Variants in EYA4 observed in about 807,000 individuals in gnomAD.
The protein encoded by EYA4 is EYA transcriptional coactivator and phosphatase 4, also known as protein phosphatase EYA4.
A neutral mutation model predicts 87.9 loss-of-function variants in EYA4; 31 were observed. That is an observed-to-expected ratio of 0.35 (90% CI 0.27 to 0.48). EYA4 has a LOEUF of 0.48. Among genes scored for constraint, EYA4 ranks in the 20% least tolerant of loss-of-function variants. The probability of loss-of-function intolerance (pLI) is 0.99; values close to 1 mark genes in which losing one functional copy is unlikely to be tolerated. For missense variants in EYA4, 678 were observed against 761.4 expected (o/e 0.89, Z 1.29); for synonymous variants, 263 against 270.6 (o/e 0.97, Z 0.28).
At chr6:133,450,641 C>A (rs1793347956) in intron 5 of EYA4, among the ~76,000 whole-genome samples, 1 of 152,162 alleles carries the variant, frequency 6.6e-6, no homozygotes. Context: ...GTAGCTGGGA[C>A]TACAGACACA....
At chr6:133,468,020 T>TA (rs928358721) in intron 10 of EYA4, among the ~76,000 whole-genome samples, 28 of 149,484 alleles carry the variant, frequency 1.9e-4, no homozygotes, top group East Asian at 1.2e-3. Context: ...AGAGGCTGGG[T>TA]AAAAAAAAAA....
intron 2 of EYA4, among the ~76,000 whole-genome samples, chr6:133,275,388 G>A (rs1052146049): frequency 1.3e-5 from 2 of 152,222 alleles, no homozygotes; most frequent in African/African-American, 2.4e-5. Flanking sequence ...TCTTTAGCGT[G>A]TGGAACTAGA....
chr6:133,512,908 T>C lies in EYA4; in HGVS notation c.1371T>C (p.His457=). 1 of 1,614,144 alleles carries C rather than the reference T, an allele frequency of 6.2e-7. No homozygotes were observed. The highest frequency in any genetic ancestry group is 8.5e-7 in the Non-Finnish European group (1 of 1,179,992). The change falls in exon 16 of 20, where the codon CAT becomes CAC. Residue 457 remains histidine, a synonymous_variant. Coordinates refer to ENST00000355286, the MANE Select transcript of EYA4 (RefSeq NM_004100.5). ...ACAGTTTTGCAACTGATGGCTTCCA[T>C]GCAGCTGCAAGTAGTGCAAACCTTT... is the stretch of plus-strand genomic sequence containing the variant. The part of the protein sequence containing the change: ...STYSFATDGF[H]AAASSANLCL...
chr6:133,243,378 CT>C (rs1454038994), intron 1 of EYA4, among the ~76,000 whole-genome samples: 8 of 152,116 alleles, frequency 5.3e-5, no homozygotes, highest in African/African-American at 1.9e-4. Context: ...TTTTGTTCCT[CT>C]TCTCATCTGT....
At chr6:133,321,054 C>A (rs1781051164) in intron 2 of EYA4, among the ~76,000 whole-genome samples, 1 of 152,154 alleles carries the variant, frequency 6.6e-6, no homozygotes, top group Non-Finnish European at 1.5e-5. Context: ...ATCCTATTGT[C>A]TTCCGCCTAG....
intron 3 of EYA4, among the ~76,000 whole-genome samples, chr6:133,412,857 C>G (rs1003230576): frequency 2.6e-5 from 4 of 152,108 alleles, no homozygotes; most frequent in Admixed American, 2.6e-4. Context: ...ATCGGACTTC[C>G]TTTGGTGGGT....
intron 4 of EYA4, among the ~76,000 whole-genome samples, chr6:133,447,074 G>A (rs1165063621): frequency 6.6e-6 from 1 of 152,046 alleles, no homozygotes; most frequent in East Asian, 1.9e-4. Flanking sequence ...TTTCCACCCT[G>A]GTATTAGCAA....
chr6:133,395,135 A>ACCAAATT (rs999846363), intron 3 of EYA4, among the ~76,000 whole-genome samples: 4 of 152,282 alleles, frequency 2.6e-5, no homozygotes, highest in African/African-American at 9.6e-5. Context: ...AACCATAATG[A>ACCAAATT]CCAAATTCCT....
At chr6:133,481,047 G>GTGGAAGGGAAGATGGGAGAGGTGGAA (rs1562470423) in intron 11 of EYA4, among the ~76,000 whole-genome samples, 5 of 151,772 alleles carry the variant, frequency 3.3e-5, no homozygotes, top group East Asian at 1.9e-4. Context: ...GATGAGAGAG[G>GTGGAAGGGAAGATGGGAGAGGTGGAA]GTTTGACTAA....
chr6:133,323,959 A>G (rs1212976490), intron 2 of EYA4, among the ~76,000 whole-genome samples: 1 of 152,158 alleles, frequency 6.6e-6, no homozygotes. Context: ...TCACACAATA[A>G]GAATGAACTT....
intron 11 of EYA4, among the ~76,000 whole-genome samples, chr6:133,476,990 A>T (rs1417913338): frequency 6.6e-6 from 1 of 151,206 alleles, no homozygotes; most frequent in Non-Finnish European, 1.5e-5. Flanking sequence ...GTTCTCATGA[A>T]ATCTGACAGT....
chr6:133,527,201 A>ATGC (rs1800710989), intron 19 of EYA4, among the ~76,000 whole-genome samples: 1 of 152,222 alleles, frequency 6.6e-6, no homozygotes, highest in Non-Finnish European at 1.5e-5. Flanking sequence ...CCCAGAATGC[A>ATGC]TGCTTTTCTT....
intron 13 of EYA4, among the ~76,000 whole-genome samples, chr6:133,492,377 G>A (rs1477817437): frequency 1.3e-5 from 2 of 152,136 alleles, no homozygotes; most frequent in Admixed American, 6.5e-5. Context: ...ATCTGATGCT[G>A]AAAAGTATTT....
At chr6:133,456,181 T>C (rs778202947) in intron 5 of EYA4, among the ~76,000 whole-genome samples, 1 of 152,126 alleles carries the variant, frequency 6.6e-6, no homozygotes, top group African/African-American at 2.4e-5. Context: ...AAAAATAAAA[T>C]ATAAGCTAGT....
intron 2 of EYA4, among the ~76,000 whole-genome samples, chr6:133,275,445 G>C (rs1272654463): frequency 6.6e-6 from 1 of 152,164 alleles, no homozygotes; most frequent in Non-Finnish European, 1.5e-5. Flanking sequence ...CACACTACTG[G>C]AAGCTGTCGT....
chr6:133,363,032 T>C (rs905968619), intron 2 of EYA4: 2 of 152,236 alleles, frequency 1.3e-5, no homozygotes, highest in African/African-American at 4.8e-5. Context: ...GCCCAATTTA[T>C]CATCCTGCCC....
intron 17 of EYA4, among the ~76,000 whole-genome samples, chr6:133,522,462 A>G (rs1800270227): frequency 6.6e-6 from 1 of 152,254 alleles, no homozygotes; most frequent in South Asian, 2.1e-4. Context: ...AAAGTAGAAT[A>G]CAAAATTGAA....
In EYA4 at chr6:133,382,411, A is replaced by C; in HGVS notation, c.53A>C (p.Glu18Ala). Residue 18 changes from glutamate to alanine, a missense_variant, in exon 3 of 20, where the codon GAA becomes GCA. Coordinates refer to ENST00000355286, the MANE Select transcript of EYA4 (RefSeq NM_004100.5). ...TTACAGGTAAAGAAAACGTGCACAG[A>C]ATCAGATGTTTCACAATCTCAGAAT... ...NEQSVKKTCTESDVSQSQNSR... is the reference protein window; with the variant it reads ...NEQSVKKTCTASDVSQSQNSR... The C allele has an allele frequency of 6.2e-7, 1 of 1,611,214 alleles. No homozygotes were observed. Among genetic ancestry groups the C allele is most frequent in the East Asian group, 2.2e-5 (1 of 44,802 alleles).
chr6:133,437,654 G>A (rs1020215285), intron 3 of EYA4, among the ~76,000 whole-genome samples: 10 of 152,166 alleles, frequency 6.6e-5, no homozygotes, highest in African/African-American at 1.9e-4. Flanking sequence ...TTACAGTTCC[G>A]CATGGCTGGG....
Sources: gnomAD v4.1 joint callset for allele counts (sites outside exome capture counted in the v4.1 genomes callset) on GRCh38, gnomAD v4.1.1 for gene constraint, MANE v1.5 for transcripts, NCBI Gene and HGNC (gene_info 2026-07-23, HGNC 2026-07-21) for gene names.